Variants in FXR1 observed in about 807,000 individuals in gnomAD.
FXR1 encodes the protein FMR1 autosomal homolog 1.
FXR1 carries 15 observed loss-of-function variants against 84.0 expected under a neutral mutation model. That is an observed-to-expected ratio of 0.18 (90% CI 0.12 to 0.27). The LOEUF (loss-of-function observed/expected upper bound fraction) is 0.27, where lower values mean the gene tolerates loss of function less well. FXR1 is among the 10% of genes least tolerant of loss of function. The pLI is 1.00. For synonymous variants in FXR1, 245 were observed against 250.7 expected (o/e 0.98, Z 0.21); for missense variants, 480 against 774.4 (o/e 0.62, Z 4.51).
chr3:180,981,008 C>T lies in FXR1; in HGVS notation c.*4716C>T, dbSNP rs1714585747. On this transcript the variant is annotated 3_prime_UTR_variant, in exon 17 of 17. Transcript: ENST00000357559. ...AGTCTGTTCTTTGACATTGTTGATT[C>T]ATGTTCTAAATTTTCATCAGATTTA... is the stretch of plus-strand genomic sequence containing the variant. 1 of 151,576 alleles carries T rather than the reference C, an allele frequency of 6.6e-6. No individual in the cohort carries two copies. Among genetic ancestry groups the T allele is most frequent in the Admixed American group, 6.6e-5 (1 of 15,202 alleles). The allele number at this position is 151,576 out of a possible 1,614,324, so 9.4% of individuals were successfully genotyped here. A position where few individuals can be genotyped will look rare whatever the true frequency, so the allele number is the denominator to read the frequency against.
Position 180,948,509 on chromosome 3 carries a change from T to G in FXR1, c.419+14T>G. ...TTTGAGAGAGGCGTGAGTAATTTTATATACTATTGAATTGTTCTGTGAATT... is the reference window on the plus strand; with the variant it reads ...TTTGAGAGAGGCGTGAGTAATTTTAGATACTATTGAATTGTTCTGTGAATT... On this transcript the variant is annotated intron_variant, in intron 5 of 16. Coordinates refer to ENST00000357559, the MANE Select transcript of FXR1 (RefSeq NM_005087.4). 1 of 1,551,894 alleles carries G rather than the reference T, an allele frequency of 6.4e-7. No individual in the cohort carries two copies. Among genetic ancestry groups the G allele is most frequent in the Non-Finnish European group, 8.9e-7 (1 of 1,128,198 alleles).
chr3:180,921,201 C>T (rs1167055444), intron 1 of FXR1, among the ~76,000 whole-genome samples: 3 of 151,888 alleles, frequency 2.0e-5, no homozygotes, highest in Admixed American at 6.6e-5. Context: ...GAAACCATCT[C>T]CACTAAAAAC....
At chr3:180,961,781 A>G (rs541410731) in intron 11 of FXR1, among the ~76,000 whole-genome samples, 1 of 152,274 alleles carries the variant, frequency 6.6e-6, no homozygotes, top group South Asian at 2.1e-4. Context: ...TTGTGTGCAT[A>G]ATTTCTCTTC....
intron 11 of FXR1, 102 bp from the exon 12 acceptor site, chr3:180,962,781 C>T: frequency 1.3e-6 from 1 of 750,678 alleles, no homozygotes; most frequent in South Asian, 1.7e-5. Context: ...ATCTAATTGC[C>T]TAAGGTCACA....
At chr3:180,931,258 G>A (rs1412650126) in intron 1 of FXR1, among the ~76,000 whole-genome samples, 1 of 151,808 alleles carries the variant, frequency 6.6e-6, no homozygotes, top group East Asian at 1.9e-4. Flanking sequence ...TGCTGTTGTC[G>A]CCCAGGCTGG....
chr3:180,929,279 TA>T (rs771516544), intron 1 of FXR1, among the ~76,000 whole-genome samples: 11 of 152,306 alleles, frequency 7.2e-5, no homozygotes, highest in South Asian at 2.1e-4. Flanking sequence ...CATTTTAAGA[TA>T]TTTTTTTTTC....
chr3:180,919,769 G>T (rs1331018937), intron 1 of FXR1, among the ~76,000 whole-genome samples: 1 of 152,048 alleles, frequency 6.6e-6, no homozygotes, highest in Non-Finnish European at 1.5e-5. Context: ...TGCCTCCCGG[G>T]TTCAAGCAAT....
intron 3 of FXR1, 49 bp downstream of exon 3, chr3:180,935,280 T>TCAAAA: frequency 2.5e-6 from 2 of 816,256 alleles, no homozygotes; most frequent in Non-Finnish European, 4.2e-6. Context: ...TTGATTTAAA[T>TCAAAA]AAATACTCTT....
rs558001721 is a variant in FXR1, at chr3:180,933,728, A to T, written c.104+342A>T. The stretch of plus-strand genomic sequence containing the variant: ...TTCCAGTTGACTACTGGTCATCAGA[A>T]TAAGTATTAAGCCATTTTTAATTGC... On this transcript the variant is annotated intron_variant, in intron 2 of 16. Transcript: ENST00000357559. Among the ~76,000 whole-genome samples the T allele has an allele frequency of 1.2e-4, 18 of 152,310 alleles. No homozygotes were observed. The East Asian group carries it at 2.7e-3, about 23-fold the overall frequency.
At chr3:180,948,233 T>C (rs1328112457) in intron 4 of FXR1, 114 bp from the exon 5 acceptor site, 1 of 718,622 alleles carries the variant, frequency 1.4e-6, no homozygotes, top group Non-Finnish European at 2.3e-6. Context: ...CTTAGTATTT[T>C]ATGCCACATG....
intron 15 of FXR1, among the ~76,000 whole-genome samples, chr3:180,972,064 G>A (rs1713651614): frequency 1.3e-5 from 2 of 152,216 alleles, no homozygotes; most frequent in South Asian, 2.1e-4. Context: ...ATGTTTTAAA[G>A]ATAGTTGGAA....
chr3:180,942,961 G>A (rs1721291125), intron 3 of FXR1, among the ~76,000 whole-genome samples: 1 of 151,944 alleles, frequency 6.6e-6, no homozygotes, highest in Non-Finnish European at 1.5e-5. Context: ...TGTAAGTGGG[G>A]GTGTTTTCTT....
chr3:180,935,334 T>A, intron 3 of FXR1, 103 bp downstream of exon 3: 1 of 629,560 alleles, frequency 1.6e-6, no homozygotes, highest in Non-Finnish European at 2.9e-6. Flanking sequence ...TCTAATTCAT[T>A]TTCTCTATTC....
intron 1 of FXR1, among the ~76,000 whole-genome samples, chr3:180,914,143 G>A (rs529653460): frequency 1.3e-3 from 197 of 152,278 alleles, no homozygotes; most frequent in African/African-American, 4.6e-3. Flanking sequence ...TTATGTTAAT[G>A]CGTGAGTAGT....
intron 1 of FXR1, 197 bp from the exon 2 acceptor site, chr3:180,933,137 A>G (rs923884431): frequency 3.9e-6 from 2 of 514,880 alleles, no homozygotes; most frequent in Non-Finnish European, 6.8e-6. Context: ...CGGGTGAAAA[A>G]TGAGGTTCAG....
chr3:180,928,208 T>A lies in FXR1; in HGVS notation c.52-5126T>A, dbSNP rs533961373. Among the ~76,000 whole-genome samples the A allele has an allele frequency of 9.9e-4, 150 of 151,816 alleles. 1 individual carries two copies. The highest frequency in any genetic ancestry group is 3.6e-3 in the African/African-American group (148 of 41,408). The stretch of plus-strand genomic sequence containing the variant: ...TGTTCCAATACCATTTTAAAAAGAG[T>A]CCATTCCTTCCCCATTTGTAAATTC... On this transcript the variant is annotated intron_variant, in intron 1 of 16. Coordinates refer to ENST00000357559, the MANE Select transcript of FXR1 (RefSeq NM_005087.4).
intron 1 of FXR1, among the ~76,000 whole-genome samples, chr3:180,932,058 A>T (rs1233515558): frequency 3.2e-5 from 2 of 62,128 alleles, no homozygotes; most frequent in Admixed American, 2.6e-4. Flanking sequence ...CCCTTCTTCC[A>T]TTTACTTTGT....
At chr3:180,969,778 A>G (rs1322967883) in intron 14 of FXR1, among the ~76,000 whole-genome samples, 2 of 152,146 alleles carry the variant, frequency 1.3e-5, no homozygotes, top group Admixed American at 6.6e-5. Context: ...TTATTTCTTA[A>G]CAGCTGAATA....
chr3:180,974,005 C>A (rs1713905042), intron 15 of FXR1, among the ~76,000 whole-genome samples: 1 of 152,076 alleles, frequency 6.6e-6, no homozygotes, highest in Admixed American at 6.6e-5. Flanking sequence ...AGATTTCATT[C>A]TTTACATAAT....
Sources: allele counts gnomAD v4.1 joint callset (sites outside exome capture counted in the v4.1 genomes callset), GRCh38; gene constraint gnomAD v4.1.1; transcripts MANE v1.5; gene names NCBI Gene and HGNC (gene_info 2026-07-23, HGNC 2026-07-21).